PLCB4: variants seen among roughly 807,000 people sequenced by gnomAD.
PLCB4 encodes the protein phospholipase C beta 4, also known as 1-phosphatidylinositol 4,5-bisphosphate phosphodiesterase beta-4.
In PLCB4, 77 loss-of-function variants were observed where a neutral mutation model predicts 178.8. The ratio of observed to expected loss-of-function variants is 0.43; its 90% CI spans 0.36 to 0.52. PLCB4 has a LOEUF of 0.52. Among genes scored for constraint, PLCB4 ranks in the 20% least tolerant of loss-of-function variants. The pLI is 0.00. For synonymous variants in PLCB4, 496 were observed against 490.8 expected, an observed-to-expected ratio of 1.01 and a Z score of -0.14; for missense variants, 1,024 against 1,453.4, an observed-to-expected ratio of 0.70 and a Z score of 4.80.
chr20:9,362,139 C>T (rs189831332), intron 7 of PLCB4, among the ~76,000 whole-genome samples: 1 of 152,220 alleles, frequency 6.6e-6, no homozygotes, highest in East Asian at 1.9e-4. Context: ...AGTGTTTTGC[C>T]GAGGGTATGA....
chr20:9,079,570 A>G (rs553500207), intron 1 of PLCB4, among the ~76,000 whole-genome samples: 2 of 152,226 alleles, frequency 1.3e-5, no homozygotes, highest in East Asian at 3.9e-4. Flanking sequence ...AGAGAGGAGG[A>G]AAAGGGTGGA....
At chr20:9,217,707 A>G (rs2093748878) in intron 3 of PLCB4, among the ~76,000 whole-genome samples, 2 of 152,238 alleles carry the variant, frequency 1.3e-5, no homozygotes, top group Non-Finnish European at 2.9e-5. Context: ...TCTCTGCAAT[A>G]GTGTTGCCCG....
intron 9 of PLCB4, among the ~76,000 whole-genome samples, chr20:9,369,901 C>T (rs771863584): frequency 6.6e-6 from 1 of 152,196 alleles, no homozygotes; most frequent in Non-Finnish European, 1.5e-5. Context: ...AAAGCCAGCC[C>T]TCATGGATAG....
At position 9,476,267 on chromosome 20, in the gene PLCB4, G is replaced by A. The variant is rs558054415; in HGVS notation, c.3496-450G>A. 1.6e-4 allele frequency among the ~76,000 whole-genome samples: 24 copies of A among 152,268 alleles called. No individual in the cohort carries two copies. The East Asian group carries it at 4.6e-3, about 29-fold the overall frequency. On this transcript the variant is annotated intron_variant, in intron 38 of 39. Coordinates refer to ENST00000378473, the MANE Select transcript of PLCB4 (RefSeq NM_001377142.1). Reference sequence around the variant, plus strand: ...CTATTCACTTAACACTCTGAAGGTTGGGGATGTTTTTCCTACTTGAGTTTT... The same window carrying A: ...CTATTCACTTAACACTCTGAAGGTTAGGGATGTTTTTCCTACTTGAGTTTT...
intron 3 of PLCB4, among the ~76,000 whole-genome samples, chr20:9,277,721 G>A (rs914660023): frequency 1.3e-5 from 2 of 151,918 alleles, no homozygotes; most frequent in African/African-American, 4.8e-5. Context: ...GAGGAGAGAA[G>A]GGACATAATG....
In PLCB4 at chr20:9,385,402, G is replaced by A. The variant is rs1056500142; in HGVS notation, c.1064+991G>A. On this transcript the variant is annotated intron_variant, in intron 14 of 39. Coordinates refer to ENST00000378473, the MANE Select transcript of PLCB4 (RefSeq NM_001377142.1). The stretch of plus-strand genomic sequence containing the variant: ...CACCTCCCAGATGATGGGCGGCCAG[G>A]CAGAGGTGCTCCCCACCTCCCAGAC... Among the ~76,000 whole-genome samples, 5 of 151,814 alleles carry A rather than the reference G, an allele frequency of 3.3e-5. No homozygotes were observed. The South Asian group carries it at 1.0e-3, about 32-fold the overall frequency.
chr20:9,103,600 A>G (rs932246739), intron 2 of PLCB4, among the ~76,000 whole-genome samples: 1 of 152,196 alleles, frequency 6.6e-6, no homozygotes, highest in African/African-American at 2.4e-5. Context: ...TCTTAGTATC[A>G]TTATGAAAAT....
At chr20:9,172,205 TA>T (rs1400457529) in intron 2 of PLCB4, among the ~76,000 whole-genome samples, 1 of 152,174 alleles carries the variant, frequency 6.6e-6, no homozygotes, top group Non-Finnish European at 1.5e-5. Context: ...TGATCTAGAA[TA>T]TAAGAATTCA....
chr20:9,128,246 G>A (rs1270504759), intron 2 of PLCB4, among the ~76,000 whole-genome samples: 1 of 151,988 alleles, frequency 6.6e-6, no homozygotes, highest in African/African-American at 2.4e-5. Context: ...GACACCACCT[G>A]CTCCCTCTTG....
intron 1 of PLCB4, among the ~76,000 whole-genome samples, chr20:9,081,114 A>G (rs2146514759): frequency 6.6e-6 from 1 of 152,314 alleles, no homozygotes; most frequent in South Asian, 2.1e-4. Flanking sequence ...AGTGAGCATC[A>G]GGTACTTTAA....
intron 2 of PLCB4, among the ~76,000 whole-genome samples, chr20:9,110,790 G>A (rs2146688626): frequency 6.6e-6 from 1 of 152,210 alleles, no homozygotes; most frequent in Admixed American, 6.5e-5. Flanking sequence ...GATGAACAGT[G>A]TAGCCCTTTA....
chr20:9,203,057 ATATAT>A (rs1347526359), intron 2 of PLCB4, among the ~76,000 whole-genome samples: 4 of 97,266 alleles, frequency 4.1e-5, no homozygotes, highest in Non-Finnish European at 6.0e-5. Flanking sequence ...AAAAAAAAAA[ATATAT>A]ATATATATAT....
chr20:9,271,905 G>C (rs747647192), intron 3 of PLCB4, among the ~76,000 whole-genome samples: 2 of 151,934 alleles, frequency 1.3e-5, no homozygotes. Context: ...GGCTGGGTGT[G>C]GGGGCTCACA....
chr20:9,129,126 T>A (rs1288378958), intron 2 of PLCB4, among the ~76,000 whole-genome samples: 1 of 152,188 alleles, frequency 6.6e-6, no homozygotes, highest in Admixed American at 6.5e-5. Flanking sequence ...AATGCTGGTA[T>A]GAACATGGAT....
intron 35 of PLCB4, among the ~76,000 whole-genome samples, chr20:9,461,820 T>C (rs1031698084): frequency 6.6e-6 from 1 of 152,156 alleles, no homozygotes; most frequent in Non-Finnish European, 1.5e-5. Flanking sequence ...ACCATCTCTG[T>C]GGGCAGGGCA....
intron 25 of PLCB4, 44 bp downstream of exon 25, chr20:9,411,132 C>G (rs2039828546): frequency 7.8e-7 from 1 of 1,283,176 alleles, no homozygotes. Flanking sequence ...ATTGAGAACT[C>G]CATACTACAG....
chr20:9,193,103 C>T (rs1333891176), intron 2 of PLCB4, among the ~76,000 whole-genome samples: 1 of 152,222 alleles, frequency 6.6e-6, no homozygotes, highest in Non-Finnish European at 1.5e-5. Flanking sequence ...ATTTATTGAG[C>T]ACCTACCATG....
At chr20:9,289,671 CT>C (rs2094563742) in intron 3 of PLCB4, among the ~76,000 whole-genome samples, 1 of 152,078 alleles carries the variant, frequency 6.6e-6, no homozygotes, top group East Asian at 1.9e-4. Context: ...GAGGCCATAT[CT>C]TTAGAGTGTT....
chr20:9,301,999 G>A (rs374463596), intron 3 of PLCB4, among the ~76,000 whole-genome samples: 11 of 152,184 alleles, frequency 7.2e-5, no homozygotes, highest in African/African-American at 1.4e-4. Context: ...TCCACTTCCC[G>A]TGTTCCTCAA....
Sources: gnomAD v4.1 joint callset for allele counts (sites outside exome capture counted in the v4.1 genomes callset) on GRCh38, gnomAD v4.1.1 for gene constraint, MANE v1.5 for transcripts, NCBI Gene and HGNC (gene_info 2026-07-23, HGNC 2026-07-21) for gene names.